The following MCCC1 variants were observed in gnomAD, a reference collection of about 807,000 sequenced individuals.
The protein encoded by MCCC1 is methylcrotonoyl-CoA carboxylase subunit alpha, mitochondrial.
MCCC1 carries 64 observed loss-of-function variants against 83.8 expected under a neutral mutation model. The observed-to-expected ratio is 0.76, with a 90% CI of 0.62 to 0.94. The LOEUF is 0.94. Among genes scored for constraint, MCCC1 ranks in the 40% least tolerant of loss-of-function variants. The pLI, the probability that MCCC1 is intolerant of heterozygous loss-of-function variation, is 0.00. For synonymous variants in MCCC1, 322 were observed against 315.4 expected (o/e 1.02, Z -0.22); for missense variants, 807 against 904.7 (o/e 0.89, Z 1.39).
At chr3:183,089,811 A>ATGGTGTTG in intron 3 of MCCC1, among the ~76,000 whole-genome samples, 1 of 152,274 alleles carries the variant, frequency 6.6e-6, no homozygotes, top group South Asian at 2.1e-4. Flanking sequence ...TTTATTAGCA[A>ATGGTGTTG]TGGTGTTGTA....
chr3:183,105,298 C>A (rs1010759379), intron 1 of MCCC1, among the ~76,000 whole-genome samples: 5 of 152,098 alleles, frequency 3.3e-5, no homozygotes, highest in Non-Finnish European at 4.4e-5. Context: ...GAGCTGAGGT[C>A]ACGCCATTGC....
At chr3:183,083,317 T>C (rs1348284397) in intron 4 of MCCC1, among the ~76,000 whole-genome samples, 1 of 152,216 alleles carries the variant, frequency 6.6e-6, no homozygotes, top group Non-Finnish European at 1.5e-5. Context: ...CCAAATTTCC[T>C]TTCTGATCAG....
intron 15 of MCCC1, among the ~76,000 whole-genome samples, chr3:183,023,047 A>T (rs1712289032): frequency 6.6e-6 from 1 of 152,206 alleles, no homozygotes; most frequent in South Asian, 2.1e-4. Flanking sequence ...AGGCCCAATC[A>T]TGGGTTTCAG....
intron 4 of MCCC1, among the ~76,000 whole-genome samples, chr3:183,082,927 C>A (rs886303569): frequency 6.6e-6 from 1 of 151,902 alleles, no homozygotes; most frequent in South Asian, 2.1e-4. Context: ...GAGTTCAAGG[C>A]TGCAGTGAGC....
intron 7 of MCCC1, among the ~76,000 whole-genome samples, chr3:183,065,886 T>C (rs1005382616): frequency 2.6e-5 from 4 of 152,198 alleles, no homozygotes; most frequent in African/African-American, 9.6e-5. Flanking sequence ...TTATAAAAGG[T>C]TTATGAGAAC....
chr3:183,114,305 C>A (rs73886224), intron 1 of MCCC1, among the ~76,000 whole-genome samples: 1 of 152,048 alleles, frequency 6.6e-6, no homozygotes, highest in African/African-American at 2.4e-5. Context: ...CCCCCGCCCC[C>A]CTTCCTAAAC....
At chr3:183,109,891 T>C (rs1719466651) in intron 1 of MCCC1, among the ~76,000 whole-genome samples, 1 of 152,218 alleles carries the variant, frequency 6.6e-6, no homozygotes, top group African/African-American at 2.4e-5. Context: ...AAACGTTCCC[T>C]TTTCTCTACA....
intron 3 of MCCC1, chr3:183,090,999 T>C (rs977703163): frequency 1.1e-5 from 5 of 456,548 alleles, no homozygotes; most frequent in African/African-American, 1.0e-4. Flanking sequence ...GGAACCTCAA[T>C]TTTATTTTCT....
intron 5 of MCCC1, among the ~76,000 whole-genome samples, chr3:183,071,860 C>T (rs1266882805): frequency 1.5e-5 from 2 of 132,838 alleles, no homozygotes; most frequent in Non-Finnish European, 3.1e-5. Context: ...TGTCACCATA[C>T]CCAGCTGAAT....
chr3:183,103,782 C>T (rs879157298), upstream of MCCC1, among the ~76,000 whole-genome samples: 2 of 152,314 alleles, frequency 1.3e-5, no homozygotes, highest in African/African-American at 4.8e-5. Flanking sequence ...TGGGACTGGG[C>T]GCTGTGGAGC....
chr3:183,032,762 TACTC>T (rs2108459399), intron 14 of MCCC1, among the ~76,000 whole-genome samples: 1 of 151,790 alleles, frequency 6.6e-6, no homozygotes, highest in East Asian at 1.9e-4. Context: ...TAGTCTCAGA[TACTC>T]GGGAGGCTGA....
intron 4 of MCCC1, among the ~76,000 whole-genome samples, chr3:183,084,783 A>G (rs928046971): frequency 6.6e-6 from 1 of 152,056 alleles, no homozygotes; most frequent in African/African-American, 2.4e-5. Context: ...TCAGCTGGGC[A>G]TGGTGATGCA....
intron 4 of MCCC1, among the ~76,000 whole-genome samples, chr3:183,076,033 G>A (rs146764323): frequency 4.4e-4 from 67 of 152,216 alleles, no homozygotes; most frequent in African/African-American, 1.5e-3. Context: ...AGTCCTCCCT[G>A]GTTTGGGTTT....
At chr3:183,076,769 C>T (rs1560263539) in intron 4 of MCCC1, among the ~76,000 whole-genome samples, 1 of 152,068 alleles carries the variant, frequency 6.6e-6, no homozygotes, top group Non-Finnish European at 1.5e-5. Context: ...ACTCGGCCAA[C>T]CCAATGATTT....
chr3:183,072,835 A>T (rs1175416793), intron 4 of MCCC1, among the ~76,000 whole-genome samples: 1 of 152,202 alleles, frequency 6.6e-6, no homozygotes, highest in Admixed American at 6.5e-5. Context: ...ATCTCCAAAC[A>T]TAATTCTCCA....
chr3:183,108,315 T>G (rs377409615), intron 1 of MCCC1, among the ~76,000 whole-genome samples: 28 of 152,202 alleles, frequency 1.8e-4, no homozygotes, highest in African/African-American at 6.8e-4. Context: ...TTTAGGTAAT[T>G]AGATTCCTCC....
chr3:183,033,016 C>A (rs760636176), intron 14 of MCCC1, among the ~76,000 whole-genome samples: 56 of 152,048 alleles, frequency 3.7e-4, no homozygotes, highest in Admixed American at 3.3e-3. Context: ...TATTTTTATA[C>A]CAGAACTGTC....
In MCCC1 at chr3:183,037,342, A is replaced by T. The variant is rs1713702612; in HGVS notation, c.1470T>A (p.Pro490=). The T allele has an allele frequency of 6.2e-7, 1 of 1,614,114 alleles. No individual in the cohort carries two copies. The highest frequency in any genetic ancestry group is 2.2e-5 in the East Asian group (1 of 44,860). ...TGAGCAACAACTGTTTGTGGTGTTG[A>T]GGGATGAAATCAGTGTGCACGTTCC... is the stretch of plus-strand genomic sequence containing the variant. ...EAGNVHTDFI[P]QHHKQLLLSR... The change falls in exon 13 of 19, where the codon CCT becomes CCA. Residue 490 remains proline (P), a synonymous_variant. Transcript: ENST00000265594.
intron 15 of MCCC1, chr3:183,022,765 G>GA (rs1712262107): frequency 2.0e-5 from 10 of 495,224 alleles, no homozygotes; most frequent in East Asian, 3.6e-5. Flanking sequence ...AATTAAAAGG[G>GA]AAAAAAAAGT....
Sources: gnomAD v4.1 joint callset for allele counts (sites outside exome capture counted in the v4.1 genomes callset) on GRCh38, gnomAD v4.1.1 for gene constraint, MANE v1.5 for transcripts, NCBI Gene and HGNC (gene_info 2026-07-23, HGNC 2026-07-21) for gene names.